Variants in MTHFD2L observed in about 807,000 individuals in gnomAD.
MTHFD2L encodes bifunctional methylenetetrahydrofolate dehydrogenase/cyclohydrolase 2, mitochondrial.
In MTHFD2L, 29 loss-of-function variants were observed where a neutral mutation model predicts 34.9. The observed-to-expected ratio is 0.83, with a 90% confidence interval of 0.62 to 1.13. The LOEUF (loss-of-function observed/expected upper bound fraction) is 1.13. MTHFD2L is among the 50% of genes most tolerant of loss of function. The probability of loss-of-function intolerance (pLI) is 0.00; values close to 1 mark genes in which losing one functional copy is unlikely to be tolerated. For missense variants in MTHFD2L, 481 were observed against 446.5 expected, an observed-to-expected ratio of 1.08 and a Z score of -0.70; for synonymous variants, 167 against 155.7, an observed-to-expected ratio of 1.07 and a Z score of -0.54.
intron 3 of MTHFD2L, among the ~76,000 whole-genome samples, chr4:74,186,969 A>G (rs1283297283): frequency 6.6e-6 from 1 of 152,186 alleles, no homozygotes; most frequent in Non-Finnish European, 1.5e-5. Context: ...AATCAGATCA[A>G]TGAAACAAAA....
upstream of MTHFD2L, among the ~76,000 whole-genome samples, chr4:74,122,358 G>C (rs1332697861): frequency 6.6e-6 from 1 of 152,092 alleles, no homozygotes; most frequent in East Asian, 1.9e-4. Flanking sequence ...GGTGACAGGA[G>C]AGAGAGAGAG....
chr4:74,247,089 T>C (rs1046106619), intron 6 of MTHFD2L, among the ~76,000 whole-genome samples: 1 of 148,562 alleles, frequency 6.7e-6, no homozygotes, highest in Non-Finnish European at 1.5e-5. Context: ...ATTTTCACAA[T>C]ATTGATTCTT....
Position 74,164,966 on chromosome 4 carries a change from G to A in MTHFD2L, c.143+6685G>A. On this transcript the variant is annotated intron_variant, in intron 1 of 7. Coordinates refer to ENST00000325278, the MANE Select transcript of MTHFD2L (RefSeq NM_001144978.3). ...GAAACCACCTGAGCAAGTAATGACA[G>A]GGCACATCATGTAAACAATATCTAA... is the stretch of plus-strand genomic sequence containing the variant. 8 of 985,268 alleles carry A rather than the reference G, an allele frequency of 8.1e-6. No individual in the cohort carries two copies. The South Asian group carries it at 3.3e-4, about 41-fold the overall frequency. The allele number at this position is 985,268 out of a possible 1,614,324, so 61.0% of individuals were successfully genotyped here.
intron 3 of MTHFD2L, among the ~76,000 whole-genome samples, chr4:74,187,551 G>T (rs1158535198): frequency 2.0e-5 from 3 of 152,078 alleles, no homozygotes; most frequent in African/African-American, 4.8e-5. Context: ...CAAATGAAAA[G>T]TATTAACAAG....
At chr4:74,257,900 A>G (rs1744226145) in intron 6 of MTHFD2L, among the ~76,000 whole-genome samples, 2 of 152,122 alleles carry the variant, frequency 1.3e-5, no homozygotes, top group Non-Finnish European at 2.9e-5. Context: ...ACACACATAC[A>G]TGATGTGATT....
At chr4:74,262,315 A>AT (rs1744778658) in intron 6 of MTHFD2L, among the ~76,000 whole-genome samples, 1 of 151,938 alleles carries the variant, frequency 6.6e-6, no homozygotes, top group Non-Finnish European at 1.5e-5. Context: ...TTGGTCATAA[A>AT]TTTAGAGCAG....
At position 74,165,494 on chromosome 4, in the gene MTHFD2L, A is replaced by G. The variant is rs371065047; in HGVS notation, c.143+7213A>G. Among the ~76,000 whole-genome samples the G allele has an allele frequency of 5.0e-3, 766 of 152,152 alleles. 9 individuals carry two copies. Among genetic ancestry groups the G allele is most frequent in the African/African-American group, 0.017 (720 of 41,520 alleles). ...TGCCTCAACCTCCCGAGTAGCTGGGACTACAGGTGCATGCCACCACGCCCA... is the reference window on the plus strand; with the variant it reads ...TGCCTCAACCTCCCGAGTAGCTGGGGCTACAGGTGCATGCCACCACGCCCA... On this transcript the variant is annotated intron_variant, in intron 1 of 7. Coordinates refer to ENST00000325278, the MANE Select transcript of MTHFD2L (RefSeq NM_001144978.3).
intron 5 of MTHFD2L, among the ~76,000 whole-genome samples, chr4:74,221,117 G>C (rs1387080271): frequency 6.6e-6 from 1 of 150,632 alleles, no homozygotes; most frequent in Non-Finnish European, 1.5e-5. Context: ...CCTTATGAAG[G>C]ATCTTTTTTT....
chr4:74,291,003 C>CCTTTTTTTTTTTTTTTTT (rs1748846516), intron 7 of MTHFD2L, among the ~76,000 whole-genome samples: 1 of 29,272 alleles, frequency 3.4e-5, no homozygotes, highest in Non-Finnish European at 6.5e-5. Flanking sequence ...TTTTCCTTTT[C>CCTTTTTTTTTTTTTTTTT]TTTTTTTTTT....
chr4:74,191,718 T>G (rs147440728), intron 3 of MTHFD2L, among the ~76,000 whole-genome samples: 5 of 151,774 alleles, frequency 3.3e-5, no homozygotes, highest in Non-Finnish European at 5.9e-5. Context: ...GCCCAGGTAA[T>G]TTTTTGTATT....
At chr4:74,274,776 C>T (rs1452406669) in intron 6 of MTHFD2L, among the ~76,000 whole-genome samples, 2 of 152,124 alleles carry the variant, frequency 1.3e-5, no homozygotes, top group Admixed American at 6.6e-5. Flanking sequence ...ACATTAGTAG[C>T]TTGAAGTCAG....
intron 1 of MTHFD2L, 23 bp downstream of exon 1, chr4:74,158,304 G>A (rs752424048): frequency 1.6e-5 from 20 of 1,257,836 alleles, no homozygotes; most frequent in Non-Finnish European, 1.9e-5. Flanking sequence ...CGGGCGCCGG[G>A]TGCGGAGCCG....
Position 74,257,428 on chromosome 4 carries a change from A to G in MTHFD2L, c.806-23997A>G, listed in dbSNP as rs1344696308. Among the ~76,000 whole-genome samples the G allele has an allele frequency of 3.2e-4, 48 of 152,208 alleles. 1 individual carries two copies. The highest frequency in any genetic ancestry group is 3.1e-3 in the Admixed American group (48 of 15,266). On this transcript the variant is annotated intron_variant, in intron 6 of 7. Coordinates refer to ENST00000325278, the MANE Select transcript of MTHFD2L (RefSeq NM_001144978.3). ...ACACACAGAGGCTGAAAATGAAGTGATGAAGAAAGATATTTCATGAAAATT... is the reference window on the plus strand; with the variant it reads ...ACACACAGAGGCTGAAAATGAAGTGGTGAAGAAAGATATTTCATGAAAATT...
At chr4:74,184,436 CATA>C (rs375604589) in intron 3 of MTHFD2L, among the ~76,000 whole-genome samples, 102 of 152,198 alleles carry the variant, frequency 6.7e-4, no homozygotes, top group African/African-American at 2.4e-3. Flanking sequence ...GAGGTCATTT[CATA>C]ATAATTAAAG....
intron 1 of MTHFD2L, chr4:74,143,393 G>C (rs933104747): frequency 5.7e-5 from 56 of 985,016 alleles, no homozygotes; most frequent in Non-Finnish European, 6.7e-5. Context: ...TTTTGTCTAG[G>C]CTGGTGCAGC....
intron 6 of MTHFD2L, among the ~76,000 whole-genome samples, chr4:74,279,684 T>C (rs574745349): frequency 9.9e-4 from 150 of 152,282 alleles, no homozygotes; most frequent in Non-Finnish European, 1.8e-3. Context: ...CTTGAACTTT[T>C]TTCTGCAGCT....
chr4:74,291,138 C>A (rs1019715356), intron 7 of MTHFD2L, among the ~76,000 whole-genome samples: 3 of 147,564 alleles, frequency 2.0e-5, no homozygotes, highest in African/African-American at 7.5e-5. Flanking sequence ...CTGCCTCAGC[C>A]TTCTGAGTAG....
chr4:74,250,310 CATGTCTCTGTTTAA>C (rs1460402741), intron 6 of MTHFD2L, among the ~76,000 whole-genome samples: 3 of 152,280 alleles, frequency 2.0e-5, no homozygotes, highest in African/African-American at 7.2e-5. Context: ...TAATTTAATT[CATGTCTCTGTTTAA>C]ATGGTAGATG....
Position 74,239,675 on chromosome 4 carries a change from A to G in MTHFD2L, c.805+14281A>G, listed in dbSNP as rs1049986059. Among the ~76,000 whole-genome samples the G allele has an allele frequency of 2.0e-5, 3 of 152,284 alleles. No individual in the cohort carries two copies. The South Asian group carries it at 6.2e-4, about 32-fold the overall frequency. On this transcript the variant is annotated intron_variant, in intron 6 of 7. Coordinates refer to ENST00000325278, the MANE Select transcript of MTHFD2L (RefSeq NM_001144978.3). The stretch of plus-strand genomic sequence containing the variant: ...TGGTTGGAACAAATTCAAATAACTC[A>G]TAGTTTTTCTCTGAGTGTGCAGATT...
Sources: gnomAD v4.1 joint callset for allele counts (sites outside exome capture counted in the v4.1 genomes callset) on GRCh38, gnomAD v4.1.1 for gene constraint, MANE v1.5 for transcripts, NCBI Gene and HGNC (gene_info 2026-07-23, HGNC 2026-07-21) for gene names.